The following SHC2 variants were observed in gnomAD, a reference collection of about 807,000 sequenced individuals.
SHC2 encodes SHC adaptor protein 2, also known as SHC-transforming protein 2.
A neutral mutation model predicts 60.6 loss-of-function variants in SHC2; 62 were observed. That is an observed-to-expected ratio of 1.02 (90% CI 0.83 to 1.26). The LOEUF is 1.26. Among genes scored for constraint, SHC2 ranks in the 50% most tolerant of loss-of-function variants. The pLI, the probability that SHC2 is intolerant of heterozygous loss-of-function variation, is 0.00. For missense variants in SHC2, 873 were observed against 822.2 expected, an observed-to-expected ratio of 1.06 and a Z score of -0.76; for synonymous variants, 375 against 372.4, an observed-to-expected ratio of 1.01 and a Z score of -0.08.
chr19:433,398 GCGCTT>G (rs1568286474), intron 8 of SHC2, among the ~76,000 whole-genome samples: 2 of 9,628 alleles, frequency 2.1e-4, no homozygotes, highest in African/African-American at 8.3e-4. Context: ...CAGATAGATG[GCGCTT>G]CATCGTGAGT....
In SHC2 at chr19:438,917, C is replaced by T; in HGVS notation, c.600+53G>A. 3 of 1,558,888 alleles carry T rather than the reference C, an allele frequency of 1.9e-6. No individual in the cohort carries two copies. The highest frequency in any genetic ancestry group is 1.7e-4 in the Middle Eastern group (1 of 5,988). ...GCTCCCAGGATGGCCGCAGCGTCCC[C>T]ACAGCCCCCGACTGCCCCACCAGCC... On this transcript the variant is annotated intron_variant, in intron 3 of 12. Transcript: ENST00000264554. The surrounding 1 kb of genome is among the most constrained non-coding windows in gnomAD (Gnocchi z 5.0).
In SHC2 at chr19:424,256, G is replaced by A. The variant is rs899264912; in HGVS notation, c.1309+841C>T. 1.3e-5 allele frequency among the ~76,000 whole-genome samples: 2 copies of A among 152,154 alleles called. No individual in the cohort carries two copies. The highest frequency in any genetic ancestry group is 2.9e-5 in the Non-Finnish European group (2 of 68,024). ...GCCCGGCTGGGGGCTCCCTCGGGCTGGGTCATCCACGGGGAAGGAAGGAAC... is the reference window on the plus strand; with the variant it reads ...GCCCGGCTGGGGGCTCCCTCGGGCTAGGTCATCCACGGGGAAGGAAGGAAC... On this transcript the variant is annotated intron_variant, in intron 10 of 12. Transcript: ENST00000264554. This position sits in a 1 kb window ranked among gnomAD's most constrained non-coding sequence, Gnocchi z 4.5.
In SHC2 at chr19:438,547, C is replaced by T. The variant is rs1452049326; in HGVS notation, c.720+171G>A. Among the ~76,000 whole-genome samples, 1 of 152,208 alleles carries T rather than the reference C, an allele frequency of 6.6e-6. No individual in the cohort carries two copies. Among genetic ancestry groups the T allele is most frequent in the Admixed American group, 6.5e-5 (1 of 15,282 alleles). The stretch of plus-strand genomic sequence containing the variant: ...CCCAGGTGGGAGCCCCTGAGCTGAG[C>T]CCCGTGAGGGCAGTGGCTGCACCCC... On this transcript the variant is annotated intron_variant, in intron 4 of 12. Coordinates refer to ENST00000264554, the MANE Select transcript of SHC2 (RefSeq NM_012435.3). This position sits in a 1 kb window ranked among gnomAD's most constrained non-coding sequence, Gnocchi z 5.0.
Position 460,939 on chromosome 19 carries a change from CGGGCTCGGG to C in SHC2, c.49_57del (p.Pro17_Pro19del), listed in dbSNP as rs894989785. 58 of 988,268 alleles carry C rather than the reference CGGGCTCGGG, an allele frequency of 5.9e-5. No individual in the cohort carries two copies. The highest frequency in any genetic ancestry group is 6.7e-5 in the Non-Finnish European group (56 of 833,372). 61.2% of individuals were successfully genotyped at this position (988,268 alleles called of 1,614,324 possible). ...AACGCGCAGAAGGTGGTGGGCGCCTCGGGCTCGGGGGGCGCGGGGGGCGCCGGGGGCGCG... is the reference window on the plus strand; with the variant it reads ...AACGCGCAGAAGGTGGTGGGCGCCTCGGGCGCGGGGGGCGCCGGGGGCGCG... On this transcript the variant is annotated inframe_deletion, in exon 1 of 13. Coordinates refer to ENST00000264554, the MANE Select transcript of SHC2 (RefSeq NM_012435.3).
At chr19:460,446 C>T in intron 1 of SHC2, 83 bp downstream of exon 1, 1 of 457,032 alleles carries the variant, frequency 2.2e-6, no homozygotes, top group South Asian at 7.5e-5. Flanking sequence ...ACCTGGCTCG[C>T]GGGGTCCGGG....
rs1975064107 is a variant in SHC2 at position 446,797 on chromosome 19, C to G, written c.469-5865G>C. ...GACGTTAAGGGAAGGAGCCACTGTA[C>G]AAGTCAGTAAACCGAAGCCCAGAGA... On this transcript the variant is annotated intron_variant, in intron 1 of 12. Transcript: ENST00000264554. The surrounding 1 kb of genome is among the most constrained non-coding windows in gnomAD (Gnocchi z 5.4). 6.6e-6 allele frequency among the ~76,000 whole-genome samples: 1 copy of G among 152,178 alleles called. No individual in the cohort carries two copies. Among genetic ancestry groups the G allele is most frequent in the Non-Finnish European group, 1.5e-5 (1 of 68,032 alleles).
chr19:431,000 G>A (rs1974572962), intron 8 of SHC2, among the ~76,000 whole-genome samples: 3 of 152,220 alleles, frequency 2.0e-5, no homozygotes, highest in Admixed American at 1.3e-4. Context: ...TGCAATGGCT[G>A]TTCCCCCTGC....
At position 440,959 on chromosome 19, in the gene SHC2, G is replaced by A; in HGVS notation, c.469-27C>T. 6.2e-7 allele frequency: 1 copy of A among 1,602,088 alleles called. No individual in the cohort carries two copies. Among genetic ancestry groups the A allele is most frequent in the South Asian group, 1.1e-5 (1 of 90,892 alleles). ...TGAGGGGAGAGAACAGGTGTCAGAT[G>A]CCATCGGAACCCCCGCAGTGGAGCC... On this transcript the variant is annotated intron_variant, in intron 1 of 12. Coordinates refer to ENST00000264554, the MANE Select transcript of SHC2 (RefSeq NM_012435.3). The surrounding 1 kb of genome is among the most constrained non-coding windows in gnomAD (Gnocchi z 7.0).
Position 442,370 on chromosome 19 carries a change from G to A in SHC2, c.469-1438C>T, listed in dbSNP as rs577476717. 2.0e-4 allele frequency among the ~76,000 whole-genome samples: 29 copies of A among 147,512 alleles called. 1 individual carries two copies. In the East Asian group the frequency reaches 5.6e-3, roughly 29 times the overall value. On this transcript the variant is annotated intron_variant, in intron 1 of 12. Transcript: ENST00000264554. ...TGGAGGGTGGAAGGATGGATGGATG[G>A]GTGGGTGGGTAGATGAGTAGATGAG...
chr19:422,780 C>T lies in SHC2; in HGVS notation c.1310-324G>A. The T allele has an allele frequency of 3.9e-6, 1 of 258,152 alleles. No individual in the cohort carries two copies. Among genetic ancestry groups the T allele is most frequent in the Middle Eastern group, 1.1e-3 (1 of 882 alleles). 16.0% of individuals were successfully genotyped at this position (258,152 alleles called of 1,614,324 possible). A position where few individuals can be genotyped will look rare whatever the true frequency, so the allele number is the denominator to read the frequency against. ...TGTCAGGTGGGCTTCCTTCCCAAAG[C>T]GTACGCCTCTCGTTTCCTTGTCTGG... On this transcript the variant is annotated intron_variant, in intron 10 of 12. Transcript: ENST00000264554. The surrounding 1 kb of genome is among the most constrained non-coding windows in gnomAD (Gnocchi z 5.0).
At position 438,990 on chromosome 19, in the gene SHC2, G is replaced by A. The variant is rs566605373; in HGVS notation, c.580C>T (p.Arg194Trp). ...NRLHEAVPGV[R>W]GSWKKKAPNK... is the part of the protein sequence containing the mutation. The stretch of plus-strand genomic sequence containing the variant: ...CTCACCTTTTTCTTCCAGGATCCCC[G>A]GACGCCAGGCACGGCCTCATGGAGC... The change falls in exon 3 of 13, where the codon CGG (arginine) becomes TGG (tryptophan). Residue 194 changes from arginine (R) to tryptophan (W), a missense_variant. Physicochemically the swap from Arg to Trp is moderately radical, Grantham distance 101 (BLOSUM62 -3). Transcript: ENST00000264554. This position sits in a 1 kb window ranked among gnomAD's most constrained non-coding sequence, Gnocchi z 5.0. 4.6e-5 allele frequency: 73 copies of A among 1,601,870 alleles called. No individual in the cohort carries two copies. Among genetic ancestry groups the A allele is most frequent in the South Asian group, 2.2e-4 (20 of 89,010 alleles).
At chr19:459,866 T>C (rs1273003302) in intron 1 of SHC2, among the ~76,000 whole-genome samples, 2 of 152,290 alleles carry the variant, frequency 1.3e-5, no homozygotes, top group African/African-American at 4.8e-5. Context: ...TGCACGGCGC[T>C]GTCACCCCTG....
In SHC2 at chr19:450,426, G is replaced by A. The variant is rs1202814274; in HGVS notation, c.469-9494C>T. Among the ~76,000 whole-genome samples, 4 of 152,190 alleles carry A rather than the reference G, an allele frequency of 2.6e-5. No individual in the cohort carries two copies. In the East Asian group the frequency reaches 7.7e-4, roughly 29 times the overall value. ...TGGCACTCAGCGCATTCCCGTGGCT[G>A]TGCAGCCACCACCACCGTCTCTCCA... On this transcript the variant is annotated intron_variant, in intron 1 of 12. Transcript: ENST00000264554.
rs1974854911 is a variant in SHC2 at position 441,107 on chromosome 19, G to C, written c.469-175C>G. ...CACCTCAAGGCCCAGCCTTGACACT[G>C]TCCTGCGAGCCGCCCCCTCTGACTC... On this transcript the variant is annotated intron_variant, in intron 1 of 12. Coordinates refer to ENST00000264554, the MANE Select transcript of SHC2 (RefSeq NM_012435.3). The surrounding 1 kb of genome is among the most constrained non-coding windows in gnomAD (Gnocchi z 4.9). The C allele has an allele frequency of 1.0e-6, 1 of 984,558 alleles. No individual in the cohort carries two copies. Among genetic ancestry groups the C allele is most frequent in the Non-Finnish European group, 1.2e-6 (1 of 829,430 alleles). The allele number at this position is 984,558 out of a possible 1,614,324, so 61.0% of individuals were successfully genotyped here.
At chr19:427,583 G>A (rs1974451872) in intron 9 of SHC2, among the ~76,000 whole-genome samples, 1 of 143,752 alleles carries the variant, frequency 7.0e-6, no homozygotes, top group African/African-American at 2.6e-5. Context: ...ACAGGGAAGG[G>A]GGAACTGCAC....
Position 417,336 on chromosome 19 carries a change from G to A in SHC2, c.*6-14C>T, listed in dbSNP as rs1339154499. 1.3e-5 allele frequency: 2 copies of A among 152,652 alleles called. No homozygotes were observed. The highest frequency in any genetic ancestry group is 1.3e-4 in the Admixed American group (2 of 15,286). 9.5% of individuals were successfully genotyped at this position (152,652 alleles called of 1,614,324 possible). A position where few individuals can be genotyped will look rare whatever the true frequency, so the allele number is the denominator to read the frequency against. ...GAGAACGGTCACCTGCGGGCAGAAA[G>A]AGAAGGCGAGGTCAGGGCTGAGACG... On this transcript the variant is annotated splice_polypyrimidine_tract_variant and intron_variant, in intron 12 of 12. Transcript: ENST00000264554.
intron 7 of SHC2, chr19:435,937 T>G: frequency 1.2e-5 from 6 of 503,438 alleles, no homozygotes; most frequent in Non-Finnish European, 1.8e-5. Flanking sequence ...CACCGGGGAG[T>G]CAGCTTGCTT....
intron 1 of SHC2, among the ~76,000 whole-genome samples, chr19:449,692 C>T (rs1439912350): frequency 1.3e-5 from 2 of 151,752 alleles, no homozygotes; most frequent in South Asian, 2.1e-4. Context: ...ACCCGGGAGG[C>T]GGAGGTTGCA....
chr19:422,324 T>A lies in SHC2; in HGVS notation c.1442A>T (p.Gln481Leu), dbSNP rs1324287163. ...RRAPVAPTEEQLRQEPWYHGR... is the reference protein window; with the variant it reads ...RRAPVAPTEELLRQEPWYHGR... ...GTGGTACCAGGGCTCCTGACGCAGC[T>A]GTTCCTCCGTGGGGGCCACAGGGGC... is the stretch of plus-strand genomic sequence containing the variant. The change falls in exon 11 of 13, where the codon CAG (glutamine) becomes CTG (leucine). Residue 481 changes from glutamine to leucine, a missense_variant. Gln to Leu is a moderately radical substitution (Grantham distance 113). Transcript: ENST00000264554. This position sits in a 1 kb window ranked among gnomAD's most constrained non-coding sequence, Gnocchi z 5.0. The A allele has an allele frequency of 1.2e-6, 2 of 1,610,748 alleles. No individual in the cohort carries two copies. Among genetic ancestry groups the A allele is most frequent in the Non-Finnish European group, 1.7e-6 (2 of 1,179,102 alleles).
Sources: allele counts gnomAD v4.1 joint callset (sites outside exome capture counted in the v4.1 genomes callset), GRCh38; gene constraint gnomAD v4.1.1; non-coding constraint Gnocchi (gnomAD v3.1); transcripts MANE v1.5; gene names NCBI Gene and HGNC (gene_info 2026-07-23, HGNC 2026-07-21).